The following CEP350 variants were observed in gnomAD, a reference collection of about 807,000 sequenced individuals.
CEP350 encodes the protein centrosomal protein 350.
CEP350 carries 126 observed loss-of-function variants against 331.8 expected under a neutral mutation model. That is an observed-to-expected ratio of 0.38 (90% CI 0.33 to 0.44). The LOEUF (loss-of-function observed/expected upper bound fraction) is 0.44, where lower values mean the gene tolerates loss of function less well. CEP350 is among the 20% of genes least tolerant of loss of function. CEP350 has a pLI of 1.00. For missense variants in CEP350, 3,406 were observed against 3,634.6 expected (o/e 0.94, Z 1.62); for synonymous variants, 1,200 against 1,259.5 (o/e 0.95, Z 1.00).
At chr1:179,979,756 T>C (rs960259521) in intron 1 of CEP350, among the ~76,000 whole-genome samples, 1 of 152,152 alleles carries the variant, frequency 6.6e-6, no homozygotes, top group Non-Finnish European at 1.5e-5. Context: ...GTTTTCATTC[T>C]TCTGCATATG....
chr1:180,109,526 T>G, intron 37 of CEP350, among the ~76,000 whole-genome samples: 1 of 152,234 alleles, frequency 6.6e-6, no homozygotes, highest in South Asian at 2.1e-4. Flanking sequence ...CCCCTGTCAC[T>G]GCAATTAACT....
chr1:179,974,998 G>GA (rs1023441162), intron 1 of CEP350, among the ~76,000 whole-genome samples: 22 of 146,180 alleles, frequency 1.5e-4, no homozygotes, highest in Non-Finnish European at 1.2e-4. Context: ...CTCTAAAAAA[G>GA]AAAAAAAAAG....
At chr1:179,962,778 A>G (rs1650731439) in intron 1 of CEP350, among the ~76,000 whole-genome samples, 2 of 152,188 alleles carry the variant, frequency 1.3e-5, no homozygotes, top group African/African-American at 4.8e-5. Flanking sequence ...TGCTGTGATA[A>G]ACATACTAGT....
chr1:180,017,430 C>T (rs1056686437), intron 11 of CEP350, among the ~76,000 whole-genome samples: 2 of 152,184 alleles, frequency 1.3e-5, no homozygotes, highest in African/African-American at 4.8e-5. Flanking sequence ...GTGATACTCT[C>T]TAGTTCATCT....
At chr1:180,018,606 T>C (rs370426471) in intron 11 of CEP350, among the ~76,000 whole-genome samples, 11 of 152,198 alleles carry the variant, frequency 7.2e-5, no homozygotes, top group African/African-American at 2.4e-4. Context: ...CAACTTATTA[T>C]TACCCTGGTT....
chr1:180,078,778 A>G lies in CEP350; in HGVS notation c.5979+104A>G, dbSNP rs1399346588. The G allele has an allele frequency of 3.3e-6, 3 of 914,394 alleles. No individual in the cohort carries two copies. The East Asian group carries it at 7.9e-5, about 24-fold the overall frequency. The allele number at this position is 914,394 out of a possible 1,614,324, so 56.6% of individuals were successfully genotyped here. On this transcript the variant is annotated intron_variant, in intron 29 of 37. Coordinates refer to ENST00000367607, the MANE Select transcript of CEP350 (RefSeq NM_014810.5). ...ATTAATGACAGTGTTAACTGTCACCATACTTGTAACATATAGGATATAACA... is the reference window on the plus strand; with the variant it reads ...ATTAATGACAGTGTTAACTGTCACCGTACTTGTAACATATAGGATATAACA...
In CEP350 at chr1:180,094,153, A is replaced by G. The variant is rs537877992; in HGVS notation, c.8048A>G (p.Asp2683Gly). 7 of 1,613,686 alleles carry G rather than the reference A, an allele frequency of 4.3e-6. No homozygotes were observed. In the South Asian group the frequency reaches 7.7e-5, roughly 18 times the overall value. Residue 2683 changes from aspartate (D) to glycine (G), a missense_variant, in exon 34 of 38, where the codon GAT becomes GGT. Physicochemically the swap from Asp to Gly is moderately conservative, Grantham distance 94. Around this residue, in one of 5 missense-constraint regions of CEP350, gnomAD observed 1,415 missense variants for 1,512.3 expected, o/e 0.94. Transcript: ENST00000367607. ...ATEKVSIAAE[D>G]DTLDNTFSEE... ...GAAAAGGTTTCCATCGCTGCAGAAG[A>G]TGACACTTTAGACAATACCTTTTCC...
At chr1:180,056,574 A>G (rs1162118274) in intron 25 of CEP350, among the ~76,000 whole-genome samples, 1 of 147,800 alleles carries the variant, frequency 6.8e-6, no homozygotes, top group Admixed American at 7.0e-5. Context: ...GGCTCAAGCA[A>G]TCCTCTCACC....
chr1:180,100,251 G>A (rs1660723884), intron 37 of CEP350, among the ~76,000 whole-genome samples: 1 of 152,196 alleles, frequency 6.6e-6, no homozygotes, highest in Admixed American at 6.5e-5. Flanking sequence ...AGGAAATTTA[G>A]ATTCAAAGAT....
intron 37 of CEP350, among the ~76,000 whole-genome samples, chr1:180,108,303 T>C (rs1661258827): frequency 6.6e-6 from 1 of 152,062 alleles, no homozygotes; most frequent in East Asian, 1.9e-4. Flanking sequence ...ATTTTGTTAT[T>C]GTGGAGGAAA....
chr1:180,040,073 C>T (rs185496894), intron 17 of CEP350, among the ~76,000 whole-genome samples: 1 of 151,628 alleles, frequency 6.6e-6, no homozygotes, highest in Admixed American at 6.6e-5. Context: ...TCCCAAAAGA[C>T]CCGTCAGACA....
chr1:180,034,876 G>A (rs1331057358), intron 16 of CEP350, among the ~76,000 whole-genome samples: 2 of 152,144 alleles, frequency 1.3e-5, no homozygotes, highest in Admixed American at 6.5e-5. Context: ...TCACGTGAGA[G>A]GAAGAGTCAC....
chr1:179,992,103 T>C lies in CEP350; in HGVS notation c.277T>C (p.Ser93Pro), dbSNP rs866076354. 1.9e-6 allele frequency: 3 copies of C among 1,556,064 alleles called. No individual in the cohort carries two copies. Among genetic ancestry groups the C allele is most frequent in the South Asian group, 2.4e-5 (2 of 81,794 alleles). ...TGATTCTTGGGTTAATGCTCCAATC[T>C]CCAAATCCACTAAATCACGAAAAGA... ...LDDSWVNAPI[S>P]KSTKSRKEKS... The change falls in exon 5 of 38, where the codon TCC becomes CCC. Residue 93 changes from serine to proline, a missense_variant. Transcript: ENST00000367607.
At chr1:179,956,234 T>C (rs1417450825) in intron 1 of CEP350, among the ~76,000 whole-genome samples, 1 of 152,230 alleles carries the variant, frequency 6.6e-6, no homozygotes, top group East Asian at 1.9e-4. Context: ...TTTTATTTAA[T>C]GTAATGAAAT....
rs748011825 is a variant in CEP350 at position 180,013,895 on chromosome 1, A to G, written c.1442A>G (p.His481Arg). 3 of 1,613,582 alleles carry G rather than the reference A, an allele frequency of 1.9e-6. No homozygotes were observed. The highest frequency in any genetic ancestry group is 2.2e-5 in the East Asian group (1 of 44,886). The change falls in exon 10 of 38, where the codon CAT becomes CGT. Residue 481 changes from histidine (H) to arginine (R), a missense_variant. By Grantham distance (29) the His-to-Arg change is conservative (BLOSUM62 0). Coordinates refer to ENST00000367607, the MANE Select transcript of CEP350 (RefSeq NM_014810.5). ...TCTGATCCCAGGTTGGACGTTTTACATAGACATCTTCAAAGAAACTCAGAA... is the reference window on the plus strand; with the variant it reads ...TCTGATCCCAGGTTGGACGTTTTACGTAGACATCTTCAAAGAAACTCAGAA... The part of the protein sequence containing the change: ...AESDPRLDVL[H>R]RHLQRNSERS...
At chr1:180,067,872 T>G (rs912434620) in intron 27 of CEP350, among the ~76,000 whole-genome samples, 2 of 152,212 alleles carry the variant, frequency 1.3e-5, no homozygotes, top group South Asian at 2.1e-4. Flanking sequence ...GATGTTGGAG[T>G]GTCAGCTCAA....
At position 180,031,386 on chromosome 1, in the gene CEP350, C is replaced by T; in HGVS notation, c.3617C>T (p.Ser1206Phe). The T allele has an allele frequency of 1.2e-6, 2 of 1,608,046 alleles. No individual in the cohort carries two copies. The highest frequency in any genetic ancestry group is 1.7e-6 in the Non-Finnish European group (2 of 1,175,996). The change falls in exon 15 of 38, where the codon TCC becomes TTC. Residue 1206 changes from serine (S) to phenylalanine (F), a missense_variant. Physicochemically the swap from Ser to Phe is radical, Grantham distance 155 (BLOSUM62 -2). This residue lies in a region of CEP350 where 1,857 missense variants were observed against 1,909.2 expected (regional missense o/e 0.97). Transcript: ENST00000367607. ...GATGAGGAAAAAGCAGAACGTGGCT[C>T]CCATCAAGGAAAGAAATCTGGGACC... Reference protein sequence around the residue: ...LLDEEKAERGSHQGKKSGTSS... With the variant: ...LLDEEKAERGFHQGKKSGTSS...
At chr1:180,089,532 G>A (rs1434074637) in intron 32 of CEP350, among the ~76,000 whole-genome samples, 5 of 150,148 alleles carry the variant, frequency 3.3e-5, no homozygotes, top group East Asian at 1.9e-4. Flanking sequence ...GCAGTGAGCC[G>A]AGATCACGCC....
chr1:180,012,123 A>G (rs774313501), intron 9 of CEP350, 48 bp downstream of exon 9: 9 of 1,469,594 alleles, frequency 6.1e-6, no homozygotes, highest in East Asian at 5.0e-5. Context: ...AAAAATTGCT[A>G]TTAAGTACTT....
Sources: allele counts gnomAD v4.1 joint callset (sites outside exome capture counted in the v4.1 genomes callset), GRCh38; gene constraint gnomAD v4.1.1; regional missense constraint gnomAD v4.1.1; transcripts MANE v1.5; gene names NCBI Gene and HGNC (gene_info 2026-07-23, HGNC 2026-07-21).